LINGO2: variants seen among roughly 807,000 people sequenced by gnomAD.
LINGO2 encodes the protein leucine rich repeat and Ig domain containing 2, also known as leucine-rich repeat and immunoglobulin-like domain-containing nogo receptor-interacting protein 2.
In LINGO2, 14 loss-of-function variants were observed where a neutral mutation model predicts 30.6. The observed-to-expected ratio is 0.46, with a 90% CI of 0.30 to 0.72. The LOEUF (loss-of-function observed/expected upper bound fraction) is 0.72, where lower values mean the gene tolerates loss of function less well. Ranked by LOEUF, LINGO2 falls within the 30% of genes least tolerant of loss-of-function variation. The probability of loss-of-function intolerance (pLI) is 0.07; values close to 1 mark genes in which losing one functional copy is unlikely to be tolerated. For missense variants in LINGO2, 729 were observed against 751.7 expected, an observed-to-expected ratio of 0.97 and a Z score of 0.35; for synonymous variants, 317 against 288.5, an observed-to-expected ratio of 1.10 and a Z score of -1.00.
At chr9:29,141,452 G>T in the LINGO2 span, among the ~76,000 whole-genome samples, 1 of 151,494 alleles carries the variant, frequency 6.6e-6, no homozygotes, top group Non-Finnish European at 1.5e-5. Context: ...CAAAACATAT[G>T]ACTACAAAAA....
At chr9:29,061,756 T>C in the LINGO2 span, among the ~76,000 whole-genome samples, 2 of 152,016 alleles carry the variant, frequency 1.3e-5, no homozygotes, top group African/African-American at 4.8e-5. Flanking sequence ...GCTTCAAGCA[T>C]TGCATTTGAC....
chr9:28,051,607 CTCAT>C (rs958609327), intron 4 of LINGO2, among the ~76,000 whole-genome samples: 1 of 152,066 alleles, frequency 6.6e-6, no homozygotes, highest in Non-Finnish European at 1.5e-5. Flanking sequence ...CACTTACGAT[CTCAT>C]TCAATCTTCA....
At chr9:28,220,345 C>T (rs1441120924) in intron 4 of LINGO2, among the ~76,000 whole-genome samples, 1 of 152,118 alleles carries the variant, frequency 6.6e-6, no homozygotes, top group Non-Finnish European at 1.5e-5. Context: ...GCTTTCAGAA[C>T]AGGTTCACCA....
chr9:28,624,698 T>C (rs79258555), intron 1 of LINGO2, among the ~76,000 whole-genome samples: 4,159 of 151,706 alleles, frequency 0.027, 128 homozygotes, highest in African/African-American at 0.069. Flanking sequence ...GAATGAGTTT[T>C]AGAAGTATTC....
the LINGO2 span, among the ~76,000 whole-genome samples, chr9:28,915,216 C>T: frequency 2.4e-3 from 363 of 152,252 alleles, no homozygotes; most frequent in Admixed American, 4.8e-3. Flanking sequence ...AGGAAAAGTA[C>T]CCAATGCTTA....
chr9:29,169,575 G>A, the LINGO2 span, among the ~76,000 whole-genome samples: 1 of 151,986 alleles, frequency 6.6e-6, no homozygotes, highest in East Asian at 1.9e-4. Flanking sequence ...TAAAACCACA[G>A]TAAGATACTA....
chr9:28,806,367 T>A, the LINGO2 span, among the ~76,000 whole-genome samples: 6 of 152,290 alleles, frequency 3.9e-5, no homozygotes, highest in African/African-American at 9.6e-5. Context: ...GTATTTACTG[T>A]CAAGGTCCTC....
At chr9:28,869,972 T>C in the LINGO2 span, among the ~76,000 whole-genome samples, 1 of 151,822 alleles carries the variant, frequency 6.6e-6, no homozygotes, top group East Asian at 1.9e-4. Context: ...AACGTTATTA[T>C]ACCTGATAAA....
At chr9:28,773,681 A>G in the LINGO2 span, among the ~76,000 whole-genome samples, 1 of 152,190 alleles carries the variant, frequency 6.6e-6, no homozygotes, top group Non-Finnish European at 1.5e-5. Context: ...ACCAAATAGT[A>G]AGATGATATT....
Position 28,148,581 on chromosome 9 carries a change from C to A in LINGO2, c.-86-136176G>T. The A allele has an allele frequency of 6.6e-7, 1 of 1,506,458 alleles. No homozygotes were observed. Among genetic ancestry groups the A allele is most frequent in the Non-Finnish European group, 8.9e-7 (1 of 1,121,268 alleles). The allele number at this position is 1,506,458 out of a possible 1,614,324, so 93.3% of individuals were successfully genotyped here. On this transcript the variant is annotated intron_variant, in intron 4 of 5. Transcript: ENST00000379992. The surrounding 1 kb of genome is among the most constrained non-coding windows in gnomAD (Gnocchi z 5.1). Reference sequence around the variant, plus strand: ...CTGGAGACTCAGGGAAACTTCACTTCCTCCTGGTACAATCCCAGGCCCTTG... The same window carrying A: ...CTGGAGACTCAGGGAAACTTCACTTACTCCTGGTACAATCCCAGGCCCTTG...
At chr9:28,602,536 TG>T (rs1411843019) in intron 1 of LINGO2, among the ~76,000 whole-genome samples, 1 of 152,046 alleles carries the variant, frequency 6.6e-6, no homozygotes, top group African/African-American at 2.4e-5. Flanking sequence ...TACATCAAAG[TG>T]AGTGATTATT....
chr9:28,735,454 A>G, the LINGO2 span, among the ~76,000 whole-genome samples: 1 of 152,136 alleles, frequency 6.6e-6, no homozygotes, highest in South Asian at 2.1e-4. Flanking sequence ...TCTCCTTTTA[A>G]GTATACTTAG....
chr9:28,488,830 TA>T (rs138810243), intron 1 of LINGO2, among the ~76,000 whole-genome samples: 2,088 of 152,292 alleles, frequency 0.014, 51 homozygotes, highest in African/African-American at 0.047. Flanking sequence ...AGTTAAATTG[TA>T]ATGGTGCTTG....
At chr9:28,721,252 A>G in the LINGO2 span, among the ~76,000 whole-genome samples, 8 of 152,240 alleles carry the variant, frequency 5.3e-5, no homozygotes, top group African/African-American at 1.7e-4. Flanking sequence ...ACAGTGTGGC[A>G]ATTCCTCAAG....
At chr9:28,318,124 A>G (rs1029394970) in intron 3 of LINGO2, among the ~76,000 whole-genome samples, 1 of 152,198 alleles carries the variant, frequency 6.6e-6, no homozygotes, top group Non-Finnish European at 1.5e-5. Context: ...ATATCAGGCT[A>G]CAATTGGACT....
At chr9:28,879,005 A>C in the LINGO2 span, among the ~76,000 whole-genome samples, 1 of 152,166 alleles carries the variant, frequency 6.6e-6, no homozygotes, top group African/African-American at 2.4e-5. Flanking sequence ...AGGCAGGAGA[A>C]GGAAATAAAG....
intron 1 of LINGO2, among the ~76,000 whole-genome samples, chr9:28,602,763 T>C (rs1174837450): frequency 6.6e-6 from 1 of 152,074 alleles, no homozygotes; most frequent in Non-Finnish European, 1.5e-5. Flanking sequence ...CAATGCTGTA[T>C]CTCCATACAG....
At chr9:28,898,288 T>A in the LINGO2 span, among the ~76,000 whole-genome samples, 1 of 152,106 alleles carries the variant, frequency 6.6e-6, no homozygotes. Context: ...GTAGCAGTTA[T>A]CATCCAAAAT....
chr9:28,495,438 T>C (rs1819573632), intron 1 of LINGO2, among the ~76,000 whole-genome samples: 1 of 152,212 alleles, frequency 6.6e-6, no homozygotes, highest in African/African-American at 2.4e-5. Context: ...TACATATGGC[T>C]AGCCAGTTTC....
Sources: allele counts gnomAD v4.1 joint callset (sites outside exome capture counted in the v4.1 genomes callset), GRCh38; gene constraint gnomAD v4.1.1; non-coding constraint Gnocchi (gnomAD v3.1); transcripts MANE v1.5; gene names NCBI Gene and HGNC (gene_info 2026-07-23, HGNC 2026-07-21).